The following INPP5F variants were observed in gnomAD, a reference collection of about 807,000 sequenced individuals.
INPP5F encodes phosphatidylinositide 4-phosphatase SAC2.
Under a neutral mutation model 137.2 loss-of-function variants are expected in INPP5F, and 97 were observed. That is an observed-to-expected ratio of 0.71 (90% confidence interval 0.60 to 0.84). The LOEUF (loss-of-function observed/expected upper bound fraction) is 0.84. Among genes scored for constraint, INPP5F ranks in the 40% least tolerant of loss-of-function variants. INPP5F has a pLI of 0.00. For missense variants in INPP5F, 1,271 were observed against 1,371.9 expected (o/e 0.93, Z 1.16); for synonymous variants, 504 against 476.9 (o/e 1.06, Z -0.74).
At chr10:119,796,672 G>T in intron 6 of INPP5F, 43 bp from the exon 7 acceptor site, 1 of 1,434,034 alleles carries the variant, frequency 7.0e-7, no homozygotes, top group Non-Finnish European at 9.8e-7. Context: ...AAGTAGCAGT[G>T]CTGTACAGAA....
chr10:119,733,309 T>C (rs1482349578), intron 1 of INPP5F, among the ~76,000 whole-genome samples: 1 of 152,230 alleles, frequency 6.6e-6, no homozygotes, highest in Non-Finnish European at 1.5e-5. Flanking sequence ...GGGAATGTTG[T>C]TATGTAATGA....
chr10:119,732,500 C>CTTTTTTTTTTTTT lies in INPP5F; in HGVS notation c.97+6146_97+6158dup, dbSNP rs59388357. Among the ~76,000 whole-genome samples the CTTTTTTTTTTTTT allele has an allele frequency of 1.4e-3, 166 of 115,498 alleles. 1 individual carries two copies. The highest frequency in any genetic ancestry group is 2.9e-3 in the East Asian group (11 of 3,798). 75.8% of individuals were successfully genotyped at this position (115,498 alleles called of 152,430 possible). A position where few individuals can be genotyped will look rare whatever the true frequency, so the allele number is the denominator to read the frequency against. ...TGAGCACTTTTCTTTTTTCTTTTTT[C>CTTTTTTTTTTTTT]TTTTTTTTTTTTTTTTTGAGACGGA... On this transcript the variant is annotated intron_variant, in intron 1 of 19. Coordinates refer to ENST00000650623, the MANE Select transcript of INPP5F (RefSeq NM_014937.4).
chr10:119,766,367 C>T (rs1796484274), intron 2 of INPP5F, among the ~76,000 whole-genome samples: 1 of 152,148 alleles, frequency 6.6e-6, no homozygotes, highest in Non-Finnish European at 1.5e-5. Context: ...AATTAACCAT[C>T]ACAGGGTCAT....
At chr10:119,798,651 T>C (rs750098174) in intron 9 of INPP5F, 41 bp downstream of exon 9, 57 of 1,358,962 alleles carry the variant, frequency 4.2e-5, no homozygotes, top group Non-Finnish European at 5.7e-5. Flanking sequence ...CCTTCATCTT[T>C]AGAAATAACT....
At chr10:119,798,742 A>G in intron 9 of INPP5F, 132 bp downstream of exon 9, 1 of 453,748 alleles carries the variant, frequency 2.2e-6, no homozygotes. Context: ...ATTTAAGCTA[A>G]GAGTTTTCTT....
intron 15 of INPP5F, among the ~76,000 whole-genome samples, chr10:119,812,522 G>T (rs1851083796): frequency 1.3e-5 from 2 of 151,942 alleles, no homozygotes; most frequent in African/African-American, 2.4e-5. Context: ...ATAAATCAGA[G>T]ACATTTTGGG....
intron 11 of INPP5F, among the ~76,000 whole-genome samples, chr10:119,805,672 T>C (rs1850752384): frequency 6.6e-6 from 1 of 152,170 alleles, no homozygotes; most frequent in Non-Finnish European, 1.5e-5. Context: ...TCAGGCCAAA[T>C]GAAGTGAAAC....
At position 119,792,195 on chromosome 10, in the gene INPP5F, A is replaced by G. The variant is rs762446640; in HGVS notation, c.651A>G (p.Gln217=). 4 of 1,613,222 alleles carry G rather than the reference A, an allele frequency of 2.5e-6. No homozygotes were observed. The South Asian group carries it at 4.4e-5, about 18-fold the overall frequency. ...DRFFWNKYMI[Q]DLTEIGTPDV... is the part of the protein sequence containing the mutation. The stretch of plus-strand genomic sequence containing the variant: ...TTTTTTGGAATAAATACATGATACA[A>G]GATCTTACTGAGATTGGTGTGAGTA... Residue 217 remains glutamine (Q), a synonymous_variant, in exon 6 of 20, where the codon CAA becomes CAG. Transcript: ENST00000650623.
At chr10:119,776,551 T>C (rs1849528380) in intron 2 of INPP5F, among the ~76,000 whole-genome samples, 1 of 152,146 alleles carries the variant, frequency 6.6e-6, no homozygotes, top group South Asian at 2.1e-4. Context: ...TTTGATAATG[T>C]ACATTGTATT....
At chr10:119,799,496 A>G (rs886482008) in intron 9 of INPP5F, among the ~76,000 whole-genome samples, 3 of 152,202 alleles carry the variant, frequency 2.0e-5, no homozygotes, top group Admixed American at 1.3e-4. Context: ...TCCTAAATTA[A>G]TATATAAATT....
intron 2 of INPP5F, among the ~76,000 whole-genome samples, chr10:119,770,120 C>T (rs1416129345): frequency 6.6e-6 from 1 of 152,148 alleles, no homozygotes; most frequent in African/African-American, 2.4e-5. Flanking sequence ...AAGATAATCA[C>T]TTCCTAATCA....
At position 119,796,881 on chromosome 10, in the gene INPP5F, C is replaced by T. The variant is rs754172929; in HGVS notation, c.836C>T (p.Ala279Val). 4.3e-6 allele frequency: 7 copies of T among 1,613,792 alleles called. No homozygotes were observed. The highest frequency in any genetic ancestry group is 3.4e-6 in the Non-Finnish European group (4 of 1,179,932). ...VDDIHPRFLV[A>V]LISRRSRHRA... ...GATATTCACCCACGATTTCTAGTGG[C>T]TCTCATTTCACGCCGAAGTAGGCAC... Residue 279 changes from alanine (A) to valine (V), a missense_variant, in exon 7 of 20, where the codon GCT becomes GTT. Ala to Val is a moderately conservative substitution (Grantham distance 64). Around this residue, in one of 6 missense-constraint regions of INPP5F, gnomAD observed 593 missense variants for 712.4 expected, o/e 0.83. Transcript: ENST00000650623.
At chr10:119,800,510 A>C (rs1284251124) in intron 9 of INPP5F, among the ~76,000 whole-genome samples, 1 of 151,206 alleles carries the variant, frequency 6.6e-6, no homozygotes, top group East Asian at 1.9e-4. Context: ...CAGTAAGCCA[A>C]GGTTGCGCCA....
In INPP5F at chr10:119,819,724, T is replaced by C. The variant is rs371984273; in HGVS notation, c.1887-1122T>C. 9.3e-4 allele frequency: 387 copies of C among 416,588 alleles called. 2 individuals carry two copies. Among genetic ancestry groups the C allele is most frequent in the African/African-American group, 6.9e-3 (339 of 49,402 alleles). 25.8% of individuals were successfully genotyped at this position (416,588 alleles called of 1,614,324 possible). A position where few individuals can be genotyped will look rare whatever the true frequency, so the allele number is the denominator to read the frequency against. The stretch of plus-strand genomic sequence containing the variant: ...TTATGTCATTTGCTGTATTTTTTGA[T>C]ATATTATTGTACGTGCAAATTGAGG... On this transcript the variant is annotated intron_variant, in intron 15 of 19. Coordinates refer to ENST00000650623, the MANE Select transcript of INPP5F (RefSeq NM_014937.4).
intron 1 of INPP5F, among the ~76,000 whole-genome samples, chr10:119,731,400 G>A (rs1302786883): frequency 1.3e-5 from 2 of 151,764 alleles, no homozygotes; most frequent in South Asian, 2.1e-4. Context: ...ATGGTGGCTC[G>A]CGCCTGTAAT....
intron 3 of INPP5F, among the ~76,000 whole-genome samples, chr10:119,788,050 G>A (rs1210704349): frequency 1.3e-5 from 2 of 152,210 alleles, no homozygotes; most frequent in African/African-American, 4.8e-5. Flanking sequence ...AAGTGGTTGG[G>A]GTTGATAGGA....
intron 1 of INPP5F, among the ~76,000 whole-genome samples, chr10:119,750,056 A>G (rs554808853): frequency 1.1e-4 from 16 of 152,342 alleles, no homozygotes; most frequent in African/African-American, 3.6e-4. Flanking sequence ...GGCATGAGCC[A>G]CCACGTCCAG....
intron 10 of INPP5F, 38 bp downstream of exon 10, chr10:119,804,335 A>C: frequency 6.5e-7 from 1 of 1,548,756 alleles, no homozygotes. Context: ...GATCAATTGC[A>C]GTGTTTTTGG....
At chr10:119,749,261 C>T (rs1368342006) in intron 1 of INPP5F, among the ~76,000 whole-genome samples, 4 of 152,310 alleles carry the variant, frequency 2.6e-5, no homozygotes, top group South Asian at 2.1e-4. Flanking sequence ...CCAGGAGCCC[C>T]GCCAACTTGG....
Sources: allele counts gnomAD v4.1 joint callset (sites outside exome capture counted in the v4.1 genomes callset), GRCh38; gene constraint gnomAD v4.1.1; regional missense constraint gnomAD v4.1.1; transcripts MANE v1.5; gene names NCBI Gene and HGNC (gene_info 2026-07-23, HGNC 2026-07-21).